MYT1L: variants seen among roughly 807,000 people sequenced by gnomAD.
MYT1L encodes the protein myelin transcription factor 1-like protein.
Under a neutral mutation model 126.7 loss-of-function variants are expected in MYT1L, and 12 were observed. The ratio of observed to expected loss-of-function variants is 0.09; its 90% CI spans 0.06 to 0.15. MYT1L has a LOEUF of 0.15. Among genes scored for constraint, MYT1L ranks in the 10% least tolerant of loss-of-function variants. The pLI, the probability that MYT1L is intolerant of heterozygous loss-of-function variation, is 1.00. For missense variants in MYT1L, 979 were observed against 1,585.2 expected (o/e 0.62, Z 6.49); for synonymous variants, 541 against 604.2 (o/e 0.90, Z 1.53).
intron 2 of MYT1L, among the ~76,000 whole-genome samples, chr2:2,216,812 C>T (rs2093690315): frequency 6.6e-6 from 1 of 151,800 alleles, no homozygotes; most frequent in Non-Finnish European, 1.5e-5. Context: ...AGAGAGAACA[C>T]AATTACCAAT....
At chr2:2,174,437 A>G (rs1293363363) in intron 2 of MYT1L, among the ~76,000 whole-genome samples, 5 of 152,186 alleles carry the variant, frequency 3.3e-5, no homozygotes, top group Admixed American at 3.3e-4. Flanking sequence ...ATCTACAAAG[A>G]TTCAGGAGCA....
intron 2 of MYT1L, among the ~76,000 whole-genome samples, chr2:2,254,062 A>G (rs1158753386): frequency 6.6e-6 from 1 of 152,188 alleles, no homozygotes; most frequent in Non-Finnish European, 1.5e-5. Flanking sequence ...GTGTGAAAGG[A>G]ATGTTGTGCA....
intron 3 of MYT1L, among the ~76,000 whole-genome samples, chr2:2,103,832 C>T (rs1428559756): frequency 2.0e-5 from 3 of 152,200 alleles, no homozygotes; most frequent in Non-Finnish European, 2.9e-5. Context: ...GGGTGACATA[C>T]ATGGAATTGT....
At chr2:2,069,664 T>C (rs998782424) in intron 3 of MYT1L, among the ~76,000 whole-genome samples, 4 of 152,066 alleles carry the variant, frequency 2.6e-5, no homozygotes, top group Non-Finnish European at 4.4e-5. Flanking sequence ...TCCATAATGG[T>C]TGAACTAATT....
intron 2 of MYT1L, among the ~76,000 whole-genome samples, chr2:2,270,832 G>A (rs1014012978): frequency 6.6e-6 from 1 of 152,070 alleles, no homozygotes. Flanking sequence ...ATGTCACCGA[G>A]ACTGAGCAAA....
At chr2:1,940,855 T>A (rs942116222) in intron 9 of MYT1L, among the ~76,000 whole-genome samples, 2 of 152,242 alleles carry the variant, frequency 1.3e-5, no homozygotes, top group Admixed American at 6.5e-5. Flanking sequence ...GCTGACCACA[T>A]GAGTGGTGGG....
rs771323326 is a variant in MYT1L at position 1,979,253 on chromosome 2, C to T, written c.90-26G>A. 59 of 1,605,502 alleles carry T rather than the reference C, an allele frequency of 3.7e-5. No homozygotes were observed. The highest frequency in any genetic ancestry group is 4.9e-5 in the Non-Finnish European group (58 of 1,173,208). On this transcript the variant is annotated intron_variant, in intron 7 of 24. Coordinates refer to ENST00000647738, the MANE Select transcript of MYT1L (RefSeq NM_001303052.2). The surrounding 1 kb of genome is among the most constrained non-coding windows in gnomAD (Gnocchi z 4.0). Reference sequence around the variant, plus strand: ...CTGCAACAGGAAAGAATGGATTACACGGTGCCGCAGGCAGGCAGGTGAGAC... The same window carrying T: ...CTGCAACAGGAAAGAATGGATTACATGGTGCCGCAGGCAGGCAGGTGAGAC...
At chr2:2,194,210 G>T (rs1473472450) in intron 2 of MYT1L, among the ~76,000 whole-genome samples, 1 of 151,984 alleles carries the variant, frequency 6.6e-6, no homozygotes, top group African/African-American at 2.4e-5. Flanking sequence ...CTCCTAAGTA[G>T]CTGGGACCAC....
intron 8 of MYT1L, among the ~76,000 whole-genome samples, chr2:1,969,757 G>C (rs886347070): frequency 6.6e-6 from 1 of 152,178 alleles, no homozygotes; most frequent in African/African-American, 2.4e-5. Context: ...TGGACACTGA[G>C]GGCAGCTGTC....
intron 2 of MYT1L, among the ~76,000 whole-genome samples, chr2:2,276,690 C>A (rs1434327119): frequency 6.6e-6 from 1 of 152,152 alleles, no homozygotes; most frequent in Non-Finnish European, 1.5e-5. Context: ...ATTACCATGC[C>A]TTCATTTTAG....
chr2:1,963,345 A>G (rs1019507071), intron 8 of MYT1L, among the ~76,000 whole-genome samples: 5 of 152,282 alleles, frequency 3.3e-5, no homozygotes, highest in Non-Finnish European at 7.3e-5. Flanking sequence ...TTATTTATAA[A>G]GCACAGGTGG....
chr2:2,221,032 A>G (rs2093850218), intron 2 of MYT1L, among the ~76,000 whole-genome samples: 1 of 152,260 alleles, frequency 6.6e-6, no homozygotes, highest in Admixed American at 6.5e-5. Context: ...AGCAGGGTCA[A>G]CAATGGAAAA....
chr2:2,136,594 A>G (rs1397641574), intron 3 of MYT1L, among the ~76,000 whole-genome samples: 1 of 152,220 alleles, frequency 6.6e-6, no homozygotes, highest in Non-Finnish European at 1.5e-5. Context: ...TTAAAAATCA[A>G]TGTATGTTCT....
chr2:2,108,133 A>T (rs2078973604), intron 3 of MYT1L, among the ~76,000 whole-genome samples: 1 of 152,146 alleles, frequency 6.6e-6, no homozygotes, highest in Admixed American at 6.5e-5. Context: ...CCTTATTCGG[A>T]GGGTGTCCGT....
chr2:1,839,451 G>T, intron 20 of MYT1L, 81 bp from the exon 21 acceptor site: 2 of 1,284,374 alleles, frequency 1.6e-6, no homozygotes, highest in East Asian at 2.3e-5. Flanking sequence ...AGAATAACCC[G>T]GCATGAAGAA....
intron 2 of MYT1L, among the ~76,000 whole-genome samples, chr2:2,232,248 A>G (rs2149069580): frequency 6.6e-6 from 1 of 152,304 alleles, no homozygotes; most frequent in East Asian, 1.9e-4. Flanking sequence ...AAAGGCAGAA[A>G]AGGAGAGGTG....
At chr2:2,118,894 T>C (rs567289955) in intron 3 of MYT1L, among the ~76,000 whole-genome samples, 4 of 152,368 alleles carry the variant, frequency 2.6e-5, no homozygotes, top group Admixed American at 6.5e-5. Flanking sequence ...GAGAGGTAAA[T>C]AGAATAAGGC....
At chr2:2,192,536 C>T (rs1361128060) in intron 2 of MYT1L, among the ~76,000 whole-genome samples, 4 of 152,024 alleles carry the variant, frequency 2.6e-5, no homozygotes, top group South Asian at 4.2e-4. Context: ...ATACGGAGAG[C>T]GTCTGTTGGT....
chr2:2,315,902 T>C (rs2096057633), intron 1 of MYT1L, among the ~76,000 whole-genome samples: 1 of 152,252 alleles, frequency 6.6e-6, no homozygotes, highest in South Asian at 2.1e-4. Context: ...ATTCATTCTA[T>C]ACATAGTTAC....
Sources: allele counts gnomAD v4.1 joint callset (sites outside exome capture counted in the v4.1 genomes callset), GRCh38; gene constraint gnomAD v4.1.1; non-coding constraint Gnocchi (gnomAD v3.1); transcripts MANE v1.5; gene names NCBI Gene and HGNC (gene_info 2026-07-23, HGNC 2026-07-21).